PTPRD: variants seen among roughly 807,000 people sequenced by gnomAD.
PTPRD encodes the protein receptor-type tyrosine-protein phosphatase delta.
PTPRD carries 34 observed loss-of-function variants against 214.5 expected under a neutral mutation model. The ratio of observed to expected loss-of-function variants is 0.16; its 90% confidence interval spans 0.12 to 0.21. PTPRD has a LOEUF of 0.21. Among genes scored for constraint, PTPRD ranks in the 10% least tolerant of loss-of-function variants. The pLI is 1.00. For synonymous variants in PTPRD, 1,128 were observed against 845.7 expected (o/e 1.33, Z -5.79); for missense variants, 2,545 against 2,398.7 (o/e 1.06, Z -1.27).
At chr9:8,970,263 C>T (rs114507232) in intron 11 of PTPRD, among the ~76,000 whole-genome samples, 3,999 of 151,942 alleles carry the variant, frequency 0.026, 156 homozygotes, top group African/African-American at 0.091. Context: ...GAGCATAAGC[C>T]ATATCATCTG....
chr9:8,756,913 G>T (rs895976203), intron 11 of PTPRD, among the ~76,000 whole-genome samples: 5 of 152,104 alleles, frequency 3.3e-5, no homozygotes, highest in Non-Finnish European at 5.9e-5. Context: ...GGCCGAGGTG[G>T]GCAGATCACT....
At chr9:10,042,773 GACCTCATTCAAATAAA>G (rs2097320719) in intron 3 of PTPRD, among the ~76,000 whole-genome samples, 1 of 151,824 alleles carries the variant, frequency 6.6e-6, no homozygotes, top group Non-Finnish European at 1.5e-5. Flanking sequence ...TTCCCCACCA[GACCTCATTCAAATAAA>G]TCTAAATGAC....
chr9:10,086,338 A>G (rs1365481001), intron 3 of PTPRD, among the ~76,000 whole-genome samples: 14 of 151,766 alleles, frequency 9.2e-5, no homozygotes, highest in Non-Finnish European at 2.1e-4. Flanking sequence ...CGTAAAATTT[A>G]TCAACAGTAG....
At chr9:9,435,881 AG>A (rs2085047425) in intron 8 of PTPRD, among the ~76,000 whole-genome samples, 1 of 152,188 alleles carries the variant, frequency 6.6e-6, no homozygotes, top group South Asian at 2.1e-4. Context: ...ATTGTTGAAA[AG>A]CAAAGTAATG....
intron 37 of PTPRD, among the ~76,000 whole-genome samples, chr9:8,388,238 T>G (rs2087947681): frequency 6.6e-6 from 1 of 152,160 alleles, no homozygotes; most frequent in African/African-American, 2.4e-5. Context: ...TTAGAGAAAC[T>G]TCCATGTGTT....
chr9:9,107,082 A>C (rs1032064836), intron 10 of PTPRD, among the ~76,000 whole-genome samples: 1 of 152,194 alleles, frequency 6.6e-6, no homozygotes, highest in African/African-American at 2.4e-5. Context: ...ATGGATTAGC[A>C]TAACAGATAT....
At chr9:10,144,026 C>T (rs899511482) in intron 3 of PTPRD, among the ~76,000 whole-genome samples, 5 of 151,688 alleles carry the variant, frequency 3.3e-5, no homozygotes, top group African/African-American at 9.7e-5. Context: ...TTGTAATAAA[C>T]CTGTGATTGT....
intron 3 of PTPRD, among the ~76,000 whole-genome samples, chr9:10,125,622 TTGTGTGTGTGTG>T (rs35164422): frequency 5.0e-4 from 70 of 139,320 alleles, no homozygotes; most frequent in Non-Finnish European, 7.6e-4. Flanking sequence ...GCTCGGCTAA[TTGTGTGTGTGTG>T]TGTGTGTGTG....
intron 2 of PTPRD, among the ~76,000 whole-genome samples, chr9:10,582,972 T>C (rs1419277246): frequency 6.6e-6 from 1 of 152,152 alleles, no homozygotes; most frequent in Non-Finnish European, 1.5e-5. Flanking sequence ...GTGTATTTGA[T>C]AGAAGAAAGA....
intron 7 of PTPRD, among the ~76,000 whole-genome samples, chr9:9,708,063 A>T (rs868458219): frequency 1.3e-5 from 2 of 152,136 alleles, no homozygotes; most frequent in Non-Finnish European, 2.9e-5. Flanking sequence ...GAGACTTTCA[A>T]TGACAAAGAG....
intron 3 of PTPRD, among the ~76,000 whole-genome samples, chr9:10,035,824 A>T (rs562313371): frequency 2.3e-3 from 207 of 91,406 alleles, no homozygotes; most frequent in Admixed American, 4.1e-3. Flanking sequence ...TTACTTCATT[A>T]AAAAAAAAAA....
In PTPRD at chr9:8,533,273, G is replaced by C. The variant is rs988537563; in HGVS notation, c.353-4494C>G. On this transcript the variant is annotated intron_variant, in intron 14 of 45. Coordinates refer to ENST00000381196, the MANE Select transcript of PTPRD (RefSeq NM_002839.4). ...TAGCTCTTCTTGCCTAATCTTGCTA[G>C]GGCTCTTGCTGCGTGAATTCAACCA... Among the ~76,000 whole-genome samples, 4 of 152,072 alleles carry C rather than the reference G, an allele frequency of 2.6e-5. No homozygotes were observed. The South Asian group carries it at 8.3e-4, about 32-fold the overall frequency.
chr9:10,562,302 C>G (rs1397246141), intron 2 of PTPRD, among the ~76,000 whole-genome samples: 2 of 150,422 alleles, frequency 1.3e-5, no homozygotes, highest in African/African-American at 4.9e-5. Context: ...TGGAGGGTTT[C>G]TTATAATGTA....
intron 2 of PTPRD, among the ~76,000 whole-genome samples, chr9:10,482,655 T>C (rs1356204913): frequency 6.6e-6 from 1 of 152,124 alleles, no homozygotes; most frequent in Non-Finnish European, 1.5e-5. Flanking sequence ...CCAGTAGCAC[T>C]GTTATACACC....
chr9:9,998,851 TCA>T (rs920593761), intron 4 of PTPRD, among the ~76,000 whole-genome samples: 21 of 152,182 alleles, frequency 1.4e-4, no homozygotes, highest in South Asian at 2.1e-4. Context: ...TTCTCCATGC[TCA>T]TGCTGCCATT....
intron 7 of PTPRD, among the ~76,000 whole-genome samples, chr9:9,606,901 A>G (rs749818735): frequency 6.8e-6 from 1 of 147,186 alleles, no homozygotes; most frequent in Non-Finnish European, 1.5e-5. Context: ...TCGCCTAACA[A>G]TTAAGGCAGA....
chr9:9,729,529 T>C (rs879680121), intron 7 of PTPRD, among the ~76,000 whole-genome samples: 4 of 152,118 alleles, frequency 2.6e-5, no homozygotes, highest in Non-Finnish European at 5.9e-5. Context: ...TGCACACCAA[T>C]AGTATCACTC....
At chr9:9,333,503 ATTAT>A (rs1265365562) in intron 9 of PTPRD, among the ~76,000 whole-genome samples, 2 of 103,518 alleles carry the variant, frequency 1.9e-5, no homozygotes, top group African/African-American at 9.7e-5. Flanking sequence ...TATATAGTAT[ATTAT>A]ATATATATAT....
Position 9,773,192 on chromosome 9 carries a change from T to G in PTPRD, c.-367-6341A>C, listed in dbSNP as rs368362052. Among the ~76,000 whole-genome samples, 93 of 152,272 alleles carry G rather than the reference T, an allele frequency of 6.1e-4. 1 individual carries two copies. The highest frequency in any genetic ancestry group is 2.1e-3 in the African/African-American group (86 of 41,566). On this transcript the variant is annotated intron_variant, in intron 5 of 45. Transcript: ENST00000381196. Reference sequence around the variant, plus strand: ...CAAGAAAATCAAGAATTCCCTTTAATGTAAACCTCCTTTCCCTCCTCATCC... The same window carrying G: ...CAAGAAAATCAAGAATTCCCTTTAAGGTAAACCTCCTTTCCCTCCTCATCC...
Sources: gnomAD v4.1 joint callset for allele counts (sites outside exome capture counted in the v4.1 genomes callset) on GRCh38, gnomAD v4.1.1 for gene constraint, MANE v1.5 for transcripts, NCBI Gene and HGNC (gene_info 2026-07-23, HGNC 2026-07-21) for gene names.